The following UBE2W variants were observed in gnomAD, a reference collection of about 807,000 sequenced individuals.
The protein encoded by UBE2W is ubiquitin conjugating enzyme E2 W.
In UBE2W, 18 loss-of-function variants were observed where a neutral mutation model predicts 27.2. That is an observed-to-expected ratio of 0.66 (90% CI 0.46 to 0.98). UBE2W has a LOEUF of 0.98. Ranked by LOEUF, UBE2W falls within the 50% of genes least tolerant of loss-of-function variation. UBE2W has a pLI of 0.00. For synonymous variants in UBE2W, 53 were observed against 57.2 expected (o/e 0.93, Z 0.33); for missense variants, 90 against 180.2 (o/e 0.50, Z 2.87).
chr8:73,807,024 C>T (rs1808938246), intron 4 of UBE2W, among the ~76,000 whole-genome samples: 1 of 152,130 alleles, frequency 6.6e-6, no homozygotes, highest in South Asian at 2.1e-4. Flanking sequence ...AGAGACTTTT[C>T]CTGAAATTTG....
At chr8:73,873,547 T>C (rs1028903896) in intron 1 of UBE2W, among the ~76,000 whole-genome samples, 1 of 151,940 alleles carries the variant, frequency 6.6e-6, no homozygotes, top group African/African-American at 2.4e-5. Flanking sequence ...TCCCAGCTGC[T>C]TGGGAGTCTG....
chr8:73,803,664 TTTC>T (rs773880228), intron 5 of UBE2W, among the ~76,000 whole-genome samples: 124 of 152,150 alleles, frequency 8.1e-4, no homozygotes, highest in Admixed American at 2.9e-3. Context: ...GTTTTGCCAT[TTTC>T]TTCTTCTTCT....
chr8:73,871,819 T>A (rs941559635), intron 1 of UBE2W, among the ~76,000 whole-genome samples: 17 of 152,202 alleles, frequency 1.1e-4, no homozygotes, highest in Non-Finnish European at 1.3e-4. Context: ...TTATTTTTTA[T>A]TTTTATATAT....
intron 1 of UBE2W, among the ~76,000 whole-genome samples, chr8:73,838,838 A>G (rs892516798): frequency 6.6e-6 from 1 of 152,170 alleles, no homozygotes; most frequent in African/African-American, 2.4e-5. Flanking sequence ...ACAGGACTGT[A>G]ACCTTTGTAA....
intron 2 of UBE2W, among the ~76,000 whole-genome samples, chr8:73,826,854 T>C (rs1360628167): frequency 6.6e-6 from 1 of 152,218 alleles, no homozygotes; most frequent in Non-Finnish European, 1.5e-5. Context: ...GTAAAAAACC[T>C]AGCACATTCC....
At chr8:73,805,263 C>T (rs1274195790) in intron 5 of UBE2W, among the ~76,000 whole-genome samples, 4 of 149,732 alleles carry the variant, frequency 2.7e-5, no homozygotes, top group South Asian at 2.1e-4. Flanking sequence ...AGACCAGACT[C>T]ATCAACACAC....
At position 73,792,715 on chromosome 8, in the gene UBE2W, A is replaced by G. The variant is rs1808253093; in HGVS notation, c.*1387T>C. 1 of 984,636 alleles carries G rather than the reference A, an allele frequency of 1.0e-6. No individual in the cohort carries two copies. The highest frequency in any genetic ancestry group is 4.7e-5 in the South Asian group (1 of 21,280). The allele number at this position is 984,636 out of a possible 1,614,324, so 61.0% of individuals were successfully genotyped here. On this transcript the variant is annotated 3_prime_UTR_variant, in exon 6 of 6. Coordinates refer to ENST00000602593, the MANE Select transcript of UBE2W (RefSeq NM_018299.6). ...TGTGAAAAGGTAATTTATAAAATACATTAATCACTTTTTAAAAAGAACTTA... is the reference window on the plus strand; with the variant it reads ...TGTGAAAAGGTAATTTATAAAATACGTTAATCACTTTTTAAAAAGAACTTA...
chr8:73,822,852 G>C (rs1049432878), intron 3 of UBE2W, among the ~76,000 whole-genome samples: 13 of 152,038 alleles, frequency 8.6e-5, no homozygotes, highest in African/African-American at 3.1e-4. Context: ...AAAAGAATGG[G>C]CTACCTTTCA....
intron 1 of UBE2W, among the ~76,000 whole-genome samples, chr8:73,874,595 T>A (rs1812141918): frequency 6.6e-6 from 1 of 152,324 alleles, no homozygotes; most frequent in East Asian, 1.9e-4. Context: ...TTCTGCAGTT[T>A]GGGGATAAAA....
At chr8:73,843,177 G>C (rs974009731) in intron 1 of UBE2W, among the ~76,000 whole-genome samples, 1 of 152,208 alleles carries the variant, frequency 6.6e-6, no homozygotes, top group Non-Finnish European at 1.5e-5. Context: ...CTGGGGAAAG[G>C]AGAATGGAGA....
At chr8:73,841,472 A>G (rs943416710) in intron 1 of UBE2W, among the ~76,000 whole-genome samples, 1 of 152,204 alleles carries the variant, frequency 6.6e-6, no homozygotes, top group African/African-American at 2.4e-5. Context: ...GACAAATGAA[A>G]AAGTGTCAAG....
At chr8:73,847,131 C>T (rs1209506025) in intron 1 of UBE2W, among the ~76,000 whole-genome samples, 8 of 152,030 alleles carry the variant, frequency 5.3e-5, no homozygotes, top group East Asian at 1.9e-4. Context: ...ATTGCGCCAC[C>T]GCATTCCAGC....
In UBE2W at chr8:73,789,307, TAAAAAAAAAAAAAAAAAA is replaced by T. The variant is rs10652083; in HGVS notation, c.*4777_*4794del. ...GCAACATGGTGAGACCTCGTGTCTT[TAAAAAAAAAAAAAAAAAA>T]AAAAAAAAAAAAAAAAATTCTATCC... On this transcript the variant is annotated 3_prime_UTR_variant, in exon 6 of 6. Transcript: ENST00000602593. 1.9e-3 allele frequency: 78 copies of T among 40,066 alleles called. 1 individual carries two copies. Among genetic ancestry groups the T allele is most frequent in the South Asian group, 0.013 (8 of 628 alleles). The allele number at this position is 40,066 out of a possible 1,614,324, so 2.5% of individuals were successfully genotyped here.
intron 3 of UBE2W, among the ~76,000 whole-genome samples, chr8:73,819,715 G>A (rs1809531831): frequency 6.6e-6 from 1 of 152,014 alleles, no homozygotes; most frequent in Non-Finnish European, 1.5e-5. Context: ...TTCTTTTAAG[G>A]CAAATGACTG....
At chr8:73,845,905 A>G (rs76946772) in intron 1 of UBE2W, among the ~76,000 whole-genome samples, 1 of 152,206 alleles carries the variant, frequency 6.6e-6, no homozygotes, top group South Asian at 2.1e-4. Context: ...TTAAAAAAAA[A>G]TGGATGAAAT....
chr8:73,786,299 T>G lies in UBE2W; in HGVS notation c.*7803A>C. On this transcript the variant is annotated 3_prime_UTR_variant, in exon 6 of 6. Transcript: ENST00000602593. ...AAAGAGCAGGGTCCTGTTATACATTTTACTCAGGTGGTGGTTCTGGATATA... is the reference window on the plus strand; with the variant it reads ...AAAGAGCAGGGTCCTGTTATACATTGTACTCAGGTGGTGGTTCTGGATATA... 1.0e-6 allele frequency: 1 copy of G among 985,466 alleles called. No homozygotes were observed. The highest frequency in any genetic ancestry group is 1.2e-6 in the Non-Finnish European group (1 of 829,932). 61.0% of individuals were successfully genotyped at this position (985,466 alleles called of 1,614,324 possible).
At chr8:73,829,038 A>G (rs1809966982) in intron 2 of UBE2W, among the ~76,000 whole-genome samples, 1 of 152,182 alleles carries the variant, frequency 6.6e-6, no homozygotes, top group Non-Finnish European at 1.5e-5. Context: ...TTCATTTACA[A>G]TAAATTATTT....
intron 1 of UBE2W, among the ~76,000 whole-genome samples, chr8:73,843,795 AAAATT>A (rs1372413886): frequency 6.6e-6 from 1 of 151,860 alleles, no homozygotes; most frequent in African/African-American, 2.4e-5. Flanking sequence ...AAAAAAAAAA[AAAATT>A]AGAGAACAGA....
Position 73,790,595 on chromosome 8 carries a change from C to A in UBE2W, c.*3507G>T. ...GATCAAGAAATATAAGCAGCAGTAA[C>A]CATAAAGGCTTAGAACTAGTGACAC... On this transcript the variant is annotated 3_prime_UTR_variant, in exon 6 of 6. Transcript: ENST00000602593. 2.0e-6 allele frequency: 2 copies of A among 984,870 alleles called. No individual in the cohort carries two copies. Among genetic ancestry groups the A allele is most frequent in the Non-Finnish European group, 2.4e-6 (2 of 829,532 alleles). The allele number at this position is 984,870 out of a possible 1,614,324, so 61.0% of individuals were successfully genotyped here.
Sources: allele counts gnomAD v4.1 joint callset (sites outside exome capture counted in the v4.1 genomes callset), GRCh38; gene constraint gnomAD v4.1.1; transcripts MANE v1.5; gene names NCBI Gene and HGNC (gene_info 2026-07-23, HGNC 2026-07-21).